ANO10: variants seen among roughly 807,000 people sequenced by gnomAD.
ANO10 encodes anoctamin-10.
ANO10 carries 77 observed loss-of-function variants against 74.7 expected under a neutral mutation model. The observed-to-expected ratio is 1.03, with a 90% CI of 0.86 to 1.25. The LOEUF (loss-of-function observed/expected upper bound fraction) is 1.25, where lower values mean the gene tolerates loss of function less well. ANO10 is among the 50% of genes most tolerant of loss of function. The probability of loss-of-function intolerance (pLI) is 0.00; values close to 1 mark genes in which losing one functional copy is unlikely to be tolerated. For missense variants in ANO10, 721 were observed against 778.1 expected (o/e 0.93, Z 0.87); for synonymous variants, 279 against 284.9 (o/e 0.98, Z 0.21).
intron 11 of ANO10, among the ~76,000 whole-genome samples, chr3:43,506,182 C>T (rs1350103016): frequency 6.6e-6 from 1 of 152,156 alleles, no homozygotes; most frequent in Non-Finnish European, 1.5e-5. Flanking sequence ...TAACGTCATC[C>T]TTGTCTCAGA....
chr3:43,675,846 G>A (rs141919299), intron 1 of ANO10, among the ~76,000 whole-genome samples: 6 of 152,188 alleles, frequency 3.9e-5, no homozygotes, highest in African/African-American at 1.4e-4. Context: ...CAGCTACTCT[G>A]GAAAATAGTT....
chr3:43,650,452 AGT>A, intron 1 of ANO10, among the ~76,000 whole-genome samples: 1 of 152,220 alleles, frequency 6.6e-6, no homozygotes, highest in South Asian at 2.1e-4. Flanking sequence ...CTTTTTGGGT[AGT>A]TAGAAAAAGA....
intron 12 of ANO10, among the ~76,000 whole-genome samples, chr3:43,412,195 G>GA (rs2092676837): frequency 6.6e-6 from 1 of 151,916 alleles, no homozygotes; most frequent in Admixed American, 6.6e-5. Flanking sequence ...AACCAAAAGT[G>GA]AAAATCAAAC....
In ANO10 at chr3:43,374,728, A is replaced by T. The variant is rs2091738176; in HGVS notation, c.1915-7754T>A. ...TGGCTCAGATTTTCTGCTTCTGCTAAATCTCTGAAACCATGGCAGCCTGGC... is the reference window on the plus strand; with the variant it reads ...TGGCTCAGATTTTCTGCTTCTGCTATATCTCTGAAACCATGGCAGCCTGGC... On this transcript the variant is annotated intron_variant, in intron 12 of 12. Transcript: ENST00000292246. Among the ~76,000 whole-genome samples the T allele has an allele frequency of 3.3e-5, 5 of 152,324 alleles. No individual in the cohort carries two copies. The South Asian group carries it at 1.0e-3, about 32-fold the overall frequency.
At chr3:43,433,513 T>C (rs899793985) in intron 11 of ANO10, among the ~76,000 whole-genome samples, 3 of 152,178 alleles carry the variant, frequency 2.0e-5, no homozygotes, top group African/African-American at 7.2e-5. Context: ...GCATTTTCTT[T>C]TATGATGTGA....
rs550784313 is a variant in ANO10, at chr3:43,492,637, G to T, written c.1797+57083C>A. Among the ~76,000 whole-genome samples the T allele has an allele frequency of 2.6e-5, 4 of 152,248 alleles. No homozygotes were observed. The East Asian group carries it at 7.7e-4, about 29-fold the overall frequency. ...AAAAAATGGGCAAAGGATATGAACAGACACTTCTCAAAAAAAGACATTTAT... is the reference window on the plus strand; with the variant it reads ...AAAAAATGGGCAAAGGATATGAACATACACTTCTCAAAAAAAGACATTTAT... On this transcript the variant is annotated intron_variant, in intron 11 of 12. Transcript: ENST00000292246.
chr3:43,368,375 G>A (rs1045639891), intron 12 of ANO10, among the ~76,000 whole-genome samples: 2 of 152,270 alleles, frequency 1.3e-5, no homozygotes, highest in African/African-American at 4.8e-5. Flanking sequence ...CACTGGCCCA[G>A]GGACATGCCC....
chr3:43,637,941 T>C (rs2083631140), intron 1 of ANO10, among the ~76,000 whole-genome samples: 1 of 152,210 alleles, frequency 6.6e-6, no homozygotes, highest in Non-Finnish European at 1.5e-5. Flanking sequence ...CATAAAAATA[T>C]CCAAAGCAGA....
intron 11 of ANO10, among the ~76,000 whole-genome samples, chr3:43,437,940 A>C (rs1178601434): frequency 2.6e-5 from 4 of 152,210 alleles, no homozygotes; most frequent in Non-Finnish European, 4.4e-5. Flanking sequence ...AAGCTGACCC[A>C]AAAGAAATGA....
At chr3:43,631,425 G>T (rs143095884) in intron 1 of ANO10, among the ~76,000 whole-genome samples, 58 of 152,282 alleles carry the variant, frequency 3.8e-4, no homozygotes, top group African/African-American at 1.3e-3. Context: ...ACTGCTGAGT[G>T]GTTTCTAAGA....
intron 11 of ANO10, among the ~76,000 whole-genome samples, chr3:43,521,783 T>C (rs931798900): frequency 1.3e-5 from 2 of 152,200 alleles, no homozygotes; most frequent in Non-Finnish European, 2.9e-5. Context: ...CCAGTGATTC[T>C]ACTCCTGGGT....
intron 11 of ANO10, among the ~76,000 whole-genome samples, chr3:43,498,184 A>AT (rs1397985969): frequency 6.6e-6 from 1 of 152,226 alleles, no homozygotes; most frequent in Non-Finnish European, 1.5e-5. Flanking sequence ...GTGCAGCAGG[A>AT]TAAGACTTGA....
At chr3:43,514,107 A>G (rs1408885425) in intron 11 of ANO10, among the ~76,000 whole-genome samples, 12 of 151,642 alleles carry the variant, frequency 7.9e-5, no homozygotes, top group Non-Finnish European at 1.8e-4. Context: ...AAAATAGCAA[A>G]CACATAAATA....
At chr3:43,487,591 T>C (rs2076546017) in intron 11 of ANO10, among the ~76,000 whole-genome samples, 1 of 152,178 alleles carries the variant, frequency 6.6e-6, no homozygotes, top group Non-Finnish European at 1.5e-5. Flanking sequence ...TTTATTTGCG[T>C]AGAGGTGTTT....
chr3:43,521,215 CT>C (rs1319483401), intron 11 of ANO10, among the ~76,000 whole-genome samples: 1 of 152,168 alleles, frequency 6.6e-6, no homozygotes, highest in Non-Finnish European at 1.5e-5. Context: ...GGGAGGTACC[CT>C]TTTTCTTGTT....
Position 43,495,866 on chromosome 3 carries a change from A to AT in ANO10, c.1797+53853_1797+53854insA, listed in dbSNP as rs1360586208. Among the ~76,000 whole-genome samples, 27 of 152,056 alleles carry AT rather than the reference A, an allele frequency of 1.8e-4. 1 individual carries two copies. The highest frequency in any genetic ancestry group is 7.7e-4 in the East Asian group (4 of 5,164). On this transcript the variant is annotated intron_variant, in intron 11 of 12. Transcript: ENST00000292246. ...AGGTGCCTGCCACCACACCTAGCTAACTTTTTTTGTATTTTTAGTAGAGAC... is the reference window on the plus strand; with the variant it reads ...AGGTGCCTGCCACCACACCTAGCTAATCTTTTTTTGTATTTTTAGTAGAGAC...
intron 11 of ANO10, among the ~76,000 whole-genome samples, chr3:43,473,205 A>C (rs919776857): frequency 6.6e-6 from 1 of 152,090 alleles, no homozygotes; most frequent in Non-Finnish European, 1.5e-5. Context: ...GTCAAAATTC[A>C]TGCACAGCAT....
chr3:43,663,986 C>G (rs2083957589), intron 1 of ANO10, among the ~76,000 whole-genome samples: 1 of 152,128 alleles, frequency 6.6e-6, no homozygotes, highest in Admixed American at 6.6e-5. Context: ...AATGCTATCC[C>G]CATCAAGCTA....
At chr3:43,567,120 G>T (rs201635160) in intron 7 of ANO10, among the ~76,000 whole-genome samples, 17 of 152,126 alleles carry the variant, frequency 1.1e-4, no homozygotes, top group East Asian at 5.8e-4. Flanking sequence ...AAGTGAGAAG[G>T]GAAGTTTAGA....
Sources: allele counts gnomAD v4.1 joint callset (sites outside exome capture counted in the v4.1 genomes callset), GRCh38; gene constraint gnomAD v4.1.1; transcripts MANE v1.5; gene names NCBI Gene and HGNC (gene_info 2026-07-23, HGNC 2026-07-21).